The following EPC2 variants were observed in gnomAD, a reference collection of about 807,000 sequenced individuals.
EPC2 encodes the protein enhancer of polycomb homolog 2.
In EPC2, 14 loss-of-function variants were observed where a neutral mutation model predicts 92.1. The ratio of observed to expected loss-of-function variants is 0.15; its 90% CI spans 0.10 to 0.24. The LOEUF is 0.24. Ranked by LOEUF, EPC2 falls within the 10% of genes least tolerant of loss-of-function variation. EPC2 has a pLI of 1.00. For missense variants in EPC2, 755 were observed against 971.5 expected (o/e 0.78, Z 2.96); for synonymous variants, 340 against 334.7 (o/e 1.02, Z -0.17).
intron 1 of EPC2, among the ~76,000 whole-genome samples, chr2:148,666,424 A>G (rs1361223638): frequency 6.6e-6 from 1 of 152,218 alleles, no homozygotes; most frequent in African/African-American, 2.4e-5. Context: ...GATTACGGGC[A>G]TGGGCCACTG....
rs1682927318 is a variant in EPC2, at chr2:148,743,713, G to A, written c.405G>A (p.Lys135=). 6.2e-7 allele frequency: 1 copy of A among 1,605,800 alleles called. No homozygotes were observed. The highest frequency in any genetic ancestry group is 2.3e-5 in the East Asian group (1 of 44,266). Residue 135 remains lysine, a synonymous_variant, in exon 3 of 14, where the codon AAG becomes AAA. Transcript: ENST00000258484. ...LNRLNRKMEI[K]PLQFEIMIDR... ...GACTTAACAGAAAGATGGAAATTAA[G>A]CCTTTGCAATTTGAAATTATGATTG...
At chr2:148,667,596 T>C (rs1208079065) in intron 1 of EPC2, among the ~76,000 whole-genome samples, 1 of 152,214 alleles carries the variant, frequency 6.6e-6, no homozygotes, top group Non-Finnish European at 1.5e-5. Flanking sequence ...TCTTCCTCTC[T>C]CAGTCTGGAT....
In EPC2 at chr2:148,734,732, T is replaced by TAAATA. The variant is rs540841402; in HGVS notation, c.314-8889_314-8888insAATAA. Among the ~76,000 whole-genome samples the TAAATA allele has an allele frequency of 7.2e-5, 11 of 152,188 alleles. 1 individual carries two copies. The South Asian group carries it at 2.3e-3, about 31-fold the overall frequency. On this transcript the variant is annotated intron_variant, in intron 2 of 13. Transcript: ENST00000258484. Reference sequence around the variant, plus strand: ...CAACTAATCTGTTATCCATCTCTATTATTTTGTCATTTCAAGGAATGTTAT... The same window carrying TAAATA: ...CAACTAATCTGTTATCCATCTCTATTAAATAATTTTGTCATTTCAAGGAATGTTAT...
intron 1 of EPC2, among the ~76,000 whole-genome samples, chr2:148,653,509 T>A (rs900248042): frequency 1.3e-5 from 2 of 152,242 alleles, no homozygotes; most frequent in African/African-American, 4.8e-5. Context: ...GAACCGCTTC[T>A]TACAGGGTTA....
intron 2 of EPC2, among the ~76,000 whole-genome samples, chr2:148,734,372 T>C (rs1682708706): frequency 6.6e-6 from 1 of 152,172 alleles, no homozygotes; most frequent in Non-Finnish European, 1.5e-5. Context: ...AAGTACTTTT[T>C]TTTTTGCAAT....
chr2:148,646,895 A>G (rs1683813784), intron 1 of EPC2, among the ~76,000 whole-genome samples: 1 of 152,116 alleles, frequency 6.6e-6, no homozygotes, highest in African/African-American at 2.4e-5. Flanking sequence ...GCGGATCATG[A>G]GGTCAGGAGT....
At chr2:148,667,967 C>T (rs1681085436) in intron 1 of EPC2, among the ~76,000 whole-genome samples, 2 of 152,078 alleles carry the variant, frequency 1.3e-5, no homozygotes, top group African/African-American at 2.4e-5. Flanking sequence ...GGCATGATCT[C>T]GGCTCACCAC....
rs115768111 is a variant in EPC2 at position 148,703,966 on chromosome 2, G to C, written c.313+13593G>C. On this transcript the variant is annotated intron_variant, in intron 2 of 13. Coordinates refer to ENST00000258484, the MANE Select transcript of EPC2 (RefSeq NM_015630.4). ...TGTGGACTGTTGGGAATGTAAAATG[G>C]TGTAGCCACTGTGGAAAACAGTATG... is the stretch of plus-strand genomic sequence containing the variant. Among the ~76,000 whole-genome samples, 1,090 of 152,298 alleles carry C rather than the reference G, an allele frequency of 7.2e-3. 6 individuals carry two copies. Among genetic ancestry groups the C allele is most frequent in the African/African-American group, 0.025 (1,024 of 41,554 alleles).
chr2:148,754,101 C>A lies in EPC2; in HGVS notation c.634C>A (p.Arg212=). Residue 212 remains arginine, a synonymous_variant, in exon 4 of 14, where the codon CGG becomes AGG. Transcript: ENST00000258484. The stretch of plus-strand genomic sequence containing the variant: ...CAACAATGACCCTTATGTTGCCTTT[C>A]GGAGAAGAACAGAGAAAATGCAAAC... ...STNNDPYVAF[R]RRTEKMQTRK... 1.2e-6 allele frequency: 2 copies of A among 1,607,338 alleles called. No homozygotes were observed. The highest frequency in any genetic ancestry group is 1.7e-6 in the Non-Finnish European group (2 of 1,176,782).
chr2:148,706,120 T>C (rs181378825), intron 2 of EPC2, among the ~76,000 whole-genome samples: 2 of 152,202 alleles, frequency 1.3e-5, no homozygotes, highest in East Asian at 3.9e-4. Flanking sequence ...ATTAGACGAA[T>C]GGCTAACTAG....
intron 1 of EPC2, 64 bp downstream of exon 1, chr2:148,645,234 C>A: frequency 7.1e-7 from 1 of 1,398,614 alleles, no homozygotes. Flanking sequence ...TCAGTCGGGC[C>A]TCGCCATTCA....
chr2:148,688,206 T>TG (rs780785194), intron 1 of EPC2, among the ~76,000 whole-genome samples: 4 of 152,286 alleles, frequency 2.6e-5, no homozygotes, highest in Non-Finnish European at 5.9e-5. Flanking sequence ...GTGGCACATA[T>TG]GCACCATGGA....
chr2:148,657,731 G>T (rs1187562259), intron 1 of EPC2, among the ~76,000 whole-genome samples: 1 of 152,072 alleles, frequency 6.6e-6, no homozygotes, highest in Non-Finnish European at 1.5e-5. Flanking sequence ...TCTGGATTCA[G>T]TAGAATTGAT....
intron 8 of EPC2, 38 bp from the exon 9 acceptor site, chr2:148,770,754 C>G: frequency 1.9e-6 from 3 of 1,575,564 alleles, no homozygotes; most frequent in Non-Finnish European, 1.7e-6. Flanking sequence ...AGATTTACTC[C>G]ATGAGTTTTT....
intron 10 of EPC2, among the ~76,000 whole-genome samples, chr2:148,775,940 C>G (rs1458849056): frequency 6.6e-6 from 1 of 151,452 alleles, no homozygotes; most frequent in Non-Finnish European, 1.5e-5. Context: ...ACCACACCTG[C>G]CTAATTGTTT....
intron 1 of EPC2, among the ~76,000 whole-genome samples, chr2:148,651,005 T>C (rs1180301674): frequency 1.3e-5 from 2 of 152,164 alleles, no homozygotes; most frequent in African/African-American, 4.8e-5. Context: ...TCTGGAAAGT[T>C]AGCAAAAACT....
intron 2 of EPC2, among the ~76,000 whole-genome samples, chr2:148,693,349 T>C: frequency 6.6e-6 from 1 of 152,278 alleles, no homozygotes; most frequent in South Asian, 2.1e-4. Context: ...AGAAGCCTCC[T>C]TCTTGCCCTA....
intron 2 of EPC2, among the ~76,000 whole-genome samples, chr2:148,715,792 G>A (rs1334386868): frequency 6.6e-6 from 1 of 152,070 alleles, no homozygotes; most frequent in Non-Finnish European, 1.5e-5. Flanking sequence ...GAATAGCATT[G>A]AATCTATAAA....
In EPC2 at chr2:148,787,362, T is replaced by C. The variant is rs1264256408; in HGVS notation, c.*985T>C. On this transcript the variant is annotated 3_prime_UTR_variant, in exon 14 of 14. Transcript: ENST00000258484. ...AGTTTTCCTGTGGCTACAAGGCAAG[T>C]AACGGGTTGGAAAAAGTCTGACTGT... 1.3e-5 allele frequency: 2 copies of C among 152,622 alleles called. No homozygotes were observed. Among genetic ancestry groups the C allele is most frequent in the Non-Finnish European group, 2.9e-5 (2 of 68,026 alleles). The allele number at this position is 152,622 out of a possible 1,614,324, so 9.5% of individuals were successfully genotyped here. A position where few individuals can be genotyped will look rare whatever the true frequency, so the allele number is the denominator to read the frequency against.
Sources: allele counts gnomAD v4.1 joint callset (sites outside exome capture counted in the v4.1 genomes callset), GRCh38; gene constraint gnomAD v4.1.1; transcripts MANE v1.5; gene names NCBI Gene and HGNC (gene_info 2026-07-23, HGNC 2026-07-21).